The following MGAT4C variants were observed in gnomAD, a reference collection of about 807,000 sequenced individuals.
MGAT4C encodes MGAT4 family member C.
Under a neutral mutation model 40.1 loss-of-function variants are expected in MGAT4C, and 19 were observed. That is an observed-to-expected ratio of 0.47 (90% confidence interval 0.33 to 0.70). The LOEUF is 0.70. Among genes scored for constraint, MGAT4C ranks in the 30% least tolerant of loss-of-function variants. The pLI, the probability that MGAT4C is intolerant of heterozygous loss-of-function variation, is 0.02. For synonymous variants in MGAT4C, 181 were observed against 187.1 expected (o/e 0.97, Z 0.27); for missense variants, 491 against 563.2 (o/e 0.87, Z 1.30).
chr12:86,177,578 A>G (rs2135853333), intron 1 of MGAT4C, among the ~76,000 whole-genome samples: 1 of 152,254 alleles, frequency 6.6e-6, no homozygotes, highest in African/African-American at 2.4e-5. Flanking sequence ...AGAAATCATA[A>G]AATGAGTGAT....
chr12:86,213,680 T>C (rs1169722854), intron 1 of MGAT4C, among the ~76,000 whole-genome samples: 1 of 152,212 alleles, frequency 6.6e-6, no homozygotes, highest in East Asian at 1.9e-4. Context: ...ATATAAAACT[T>C]ATATTCAAGA....
At chr12:86,421,605 G>T (rs188336702) in intron 3 of MGAT4C, among the ~76,000 whole-genome samples, 2 of 151,962 alleles carry the variant, frequency 1.3e-5, no homozygotes, top group Non-Finnish European at 2.9e-5. Flanking sequence ...GAGAAACCCC[G>T]TCTCTACTAA....
At chr12:86,395,779 T>C (rs1201849459) in intron 3 of MGAT4C, among the ~76,000 whole-genome samples, 1 of 152,228 alleles carries the variant, frequency 6.6e-6, no homozygotes, top group Non-Finnish European at 1.5e-5. Flanking sequence ...CAACTTCATC[T>C]ATTTTTTTGT....
At chr12:86,140,775 A>ACAAAT (rs1882724263) in intron 1 of MGAT4C, among the ~76,000 whole-genome samples, 1 of 152,214 alleles carries the variant, frequency 6.6e-6, no homozygotes, top group African/African-American at 2.4e-5. Flanking sequence ...AATGTACTTG[A>ACAAAT]CAAATAGTCA....
intron 1 of MGAT4C, among the ~76,000 whole-genome samples, chr12:86,796,433 G>T (rs965613756): frequency 1.9e-4 from 29 of 151,860 alleles, no homozygotes; most frequent in African/African-American, 7.0e-4. Flanking sequence ...TGAACCTGGA[G>T]GACATTATGT....
chr12:86,527,857 C>T (rs979552626), intron 2 of MGAT4C, among the ~76,000 whole-genome samples: 13 of 152,064 alleles, frequency 8.5e-5, no homozygotes, highest in South Asian at 2.1e-4. Flanking sequence ...CATGTTCTCA[C>T]TCATATGTGG....
chr12:86,380,471 G>T (rs1955907802), intron 3 of MGAT4C, among the ~76,000 whole-genome samples: 1 of 152,016 alleles, frequency 6.6e-6, no homozygotes, highest in African/African-American at 2.4e-5. Context: ...AAAAATTAAT[G>T]CTGGAATAAA....
At chr12:86,177,151 T>C (rs1485928633) in intron 1 of MGAT4C, among the ~76,000 whole-genome samples, 1 of 152,030 alleles carries the variant, frequency 6.6e-6, no homozygotes, top group Non-Finnish European at 1.5e-5. Flanking sequence ...TAAGTGTAGC[T>C]CTTAGCAGAA....
At chr12:86,508,558 C>T (rs1374406414) in intron 2 of MGAT4C, among the ~76,000 whole-genome samples, 1 of 152,066 alleles carries the variant, frequency 6.6e-6, no homozygotes, top group African/African-American at 2.4e-5. Context: ...ATTTATACTC[C>T]TTTGGGTATA....
chr12:86,143,872 G>A (rs1241919511), intron 1 of MGAT4C, among the ~76,000 whole-genome samples: 1 of 152,206 alleles, frequency 6.6e-6, no homozygotes, highest in African/African-American at 2.4e-5. Context: ...CTAACATGTT[G>A]AGGGTAGAGA....
At chr12:86,504,172 C>T (rs550371790) in intron 2 of MGAT4C, among the ~76,000 whole-genome samples, 1 of 152,040 alleles carries the variant, frequency 6.6e-6, no homozygotes, top group South Asian at 2.1e-4. Flanking sequence ...TTGGCAATAC[C>T]TAGTGAGGAT....
At chr12:86,551,105 C>T (rs1959336527) in intron 2 of MGAT4C, among the ~76,000 whole-genome samples, 1 of 152,114 alleles carries the variant, frequency 6.6e-6, no homozygotes, top group South Asian at 2.1e-4. Context: ...AGCTTTGTGC[C>T]TGTATCCAGG....
intron 1 of MGAT4C, among the ~76,000 whole-genome samples, chr12:86,755,887 A>G (rs1203838584): frequency 1.3e-5 from 2 of 151,930 alleles, no homozygotes; most frequent in Non-Finnish European, 2.9e-5. Flanking sequence ...GACTCAAGCA[A>G]TTGGCCAGCT....
intron 2 of MGAT4C, among the ~76,000 whole-genome samples, chr12:86,561,482 C>T (rs1175550096): frequency 6.6e-6 from 1 of 152,214 alleles, no homozygotes; most frequent in Non-Finnish European, 1.5e-5. Context: ...CAGCCTTCAT[C>T]TTTCCCCCAT....
At chr12:86,764,903 A>G (rs1192973700) in intron 1 of MGAT4C, among the ~76,000 whole-genome samples, 1 of 152,128 alleles carries the variant, frequency 6.6e-6, no homozygotes, top group Non-Finnish European at 1.5e-5. Flanking sequence ...AGATAAAACC[A>G]CAAAGATGGG....
At chr12:86,218,901 C>G (rs1348338007) in intron 1 of MGAT4C, among the ~76,000 whole-genome samples, 1 of 152,132 alleles carries the variant, frequency 6.6e-6, no homozygotes, top group East Asian at 1.9e-4. Flanking sequence ...TAAATTCAGG[C>G]CAGGCGTGGT....
intron 1 of MGAT4C, among the ~76,000 whole-genome samples, chr12:86,739,486 T>C (rs1227256792): frequency 6.6e-6 from 1 of 150,970 alleles, no homozygotes; most frequent in African/African-American, 2.4e-5. Context: ...ATACATGGGT[T>C]CTACAATCGT....
chr12:86,045,705 T>G (rs1892340692), intron 2 of MGAT4C, among the ~76,000 whole-genome samples: 1 of 152,216 alleles, frequency 6.6e-6, no homozygotes, highest in Non-Finnish European at 1.5e-5. Context: ...TGTCTATGTG[T>G]AAGGAGGAAA....
intron 3 of MGAT4C, among the ~76,000 whole-genome samples, chr12:86,356,785 C>T (rs1955323471): frequency 6.6e-6 from 1 of 151,710 alleles, no homozygotes; most frequent in Non-Finnish European, 1.5e-5. Context: ...GAGGGGTTGG[C>T]CATTGCTGAG....
Sources: allele counts gnomAD v4.1 joint callset (sites outside exome capture counted in the v4.1 genomes callset), GRCh38; gene constraint gnomAD v4.1.1; transcripts MANE v1.5; gene names NCBI Gene and HGNC (gene_info 2026-07-23, HGNC 2026-07-21).